The following KIF26B variants were observed in gnomAD, a reference collection of about 807,000 sequenced individuals.
The protein encoded by KIF26B is kinesin family member 26B.
In KIF26B, 63 loss-of-function variants were observed where a neutral mutation model predicts 151.2. That is an observed-to-expected ratio of 0.42 (90% confidence interval 0.34 to 0.51). The LOEUF is 0.51. Ranked by LOEUF, KIF26B falls within the 20% of genes least tolerant of loss-of-function variation. The pLI, the probability that KIF26B is intolerant of heterozygous loss-of-function variation, is 0.07. For synonymous variants in KIF26B, 1,357 were observed against 1,262.1 expected (o/e 1.08, Z -1.59); for missense variants, 2,813 against 2,913.6 (o/e 0.97, Z 0.79).
At chr1:245,364,683 G>A (rs940432598) in intron 2 of KIF26B, among the ~76,000 whole-genome samples, 6 of 152,062 alleles carry the variant, frequency 3.9e-5, no homozygotes, top group Non-Finnish European at 5.9e-5. Flanking sequence ...GCCTCCCAAA[G>A]TGCTGGGATT....
chr1:245,630,698 A>G (rs539531331), intron 9 of KIF26B, among the ~76,000 whole-genome samples: 30 of 152,326 alleles, frequency 2.0e-4, no homozygotes, highest in African/African-American at 7.0e-4. Context: ...ATGGATAACT[A>G]TATAACAAAA....
At chr1:245,507,461 G>C (rs1660747387) in intron 4 of KIF26B, among the ~76,000 whole-genome samples, 1 of 152,232 alleles carries the variant, frequency 6.6e-6, no homozygotes, top group Admixed American at 6.5e-5. Flanking sequence ...TGATGGCTGG[G>C]CCTTTATACC....
chr1:245,433,976 G>A (rs1658842698), intron 4 of KIF26B, among the ~76,000 whole-genome samples: 1 of 151,988 alleles, frequency 6.6e-6, no homozygotes, highest in African/African-American at 2.4e-5. Context: ...TACCAGGCAA[G>A]CCACTTTGAT....
intron 5 of KIF26B, among the ~76,000 whole-genome samples, chr1:245,589,379 A>G (rs966819840): frequency 6.6e-6 from 1 of 152,028 alleles, no homozygotes; most frequent in Admixed American, 6.6e-5. Context: ...TGATGAACTG[A>G]ATGCGGTCTG....
Position 245,688,816 on chromosome 1 carries a change from C to CTGG in KIF26B, c.5824+10_5824+12dup. ...GAAACGCTCCAATCCAGGTAGGCGG[C>CTGG]TGGGCGCAGGGACGCGGGTGAGGAG... On this transcript the variant is annotated intron_variant, in intron 12 of 14. Transcript: ENST00000407071. The CTGG allele has an allele frequency of 1.3e-6, 2 of 1,561,872 alleles. No homozygotes were observed. The highest frequency in any genetic ancestry group is 1.7e-6 in the Non-Finnish European group (2 of 1,151,018).
intron 4 of KIF26B, among the ~76,000 whole-genome samples, chr1:245,468,957 G>C (rs190875086): frequency 2.0e-5 from 3 of 152,280 alleles, no homozygotes; most frequent in Admixed American, 2.0e-4. Context: ...CATACCTTGT[G>C]TGTATGTATT....
At position 245,263,692 on chromosome 1, in the gene KIF26B, A is replaced by C. The variant is rs527964831; in HGVS notation, c.466-103142A>C. 4.3e-3 allele frequency among the ~76,000 whole-genome samples: 654 copies of C among 152,352 alleles called. 2 individuals carry two copies. Among genetic ancestry groups the C allele is most frequent in the Middle Eastern group, 0.02 (6 of 294 alleles). ...CCCCTTGGGAGACATGGGACTTGCC[A>C]GACCCATTTCCCCAAAAAAGGTAAG... On this transcript the variant is annotated intron_variant, in intron 2 of 14. Coordinates refer to ENST00000407071, the MANE Select transcript of KIF26B (RefSeq NM_018012.4).
intron 2 of KIF26B, among the ~76,000 whole-genome samples, chr1:245,351,194 T>C (rs1473930755): frequency 2.0e-5 from 3 of 152,240 alleles, no homozygotes; most frequent in Non-Finnish European, 4.4e-5. Context: ...GACATTGAGC[T>C]GGGCTTCATA....
intron 5 of KIF26B, among the ~76,000 whole-genome samples, chr1:245,546,769 T>A (rs1051628938): frequency 2.0e-5 from 3 of 152,196 alleles, no homozygotes; most frequent in African/African-American, 7.2e-5. Context: ...GGGAACGGCA[T>A]AAATAATACC....
At chr1:245,524,774 C>A (rs981937380) in intron 4 of KIF26B, among the ~76,000 whole-genome samples, 1 of 151,956 alleles carries the variant, frequency 6.6e-6, no homozygotes, top group Non-Finnish European at 1.5e-5. Flanking sequence ...AGTTTAATTT[C>A]TCAAAAGAAT....
chr1:245,303,123 A>G lies in KIF26B; in HGVS notation c.466-63711A>G, dbSNP rs546718231. 1.5e-4 allele frequency among the ~76,000 whole-genome samples: 22 copies of G among 150,772 alleles called. No individual in the cohort carries two copies. The South Asian group carries it at 4.4e-3, about 30-fold the overall frequency. On this transcript the variant is annotated intron_variant, in intron 2 of 14. Coordinates refer to ENST00000407071, the MANE Select transcript of KIF26B (RefSeq NM_018012.4). ...TGTAACACATCCACTGACCTTAAAC[A>G]CATTTCTTTACTTTGCTGCACCTGA...
chr1:245,693,474 T>G (rs2044652478), intron 12 of KIF26B, among the ~76,000 whole-genome samples: 1 of 152,246 alleles, frequency 6.6e-6, no homozygotes, highest in South Asian at 2.1e-4. Flanking sequence ...AGTTTACTCA[T>G]GTTTATTTTC....
intron 4 of KIF26B, among the ~76,000 whole-genome samples, chr1:245,499,422 G>T (rs1660575174): frequency 6.6e-6 from 1 of 152,184 alleles, no homozygotes; most frequent in African/African-American, 2.4e-5. Context: ...GCCGAATAAG[G>T]GTGGAGTCCC....
At chr1:245,651,062 A>G (rs1317946396) in intron 10 of KIF26B, among the ~76,000 whole-genome samples, 1 of 152,184 alleles carries the variant, frequency 6.6e-6, no homozygotes, top group East Asian at 1.9e-4. Flanking sequence ...GCAGGCCACG[A>G]GCAAACACCG....
At chr1:245,178,173 C>T (rs1465351390) in intron 2 of KIF26B, among the ~76,000 whole-genome samples, 1 of 152,160 alleles carries the variant, frequency 6.6e-6, no homozygotes, top group African/African-American at 2.4e-5. Flanking sequence ...ACGCTTTGAG[C>T]CACTTATTCA....
chr1:245,182,018 G>A (rs755125771), intron 2 of KIF26B, among the ~76,000 whole-genome samples: 18 of 152,092 alleles, frequency 1.2e-4, no homozygotes, highest in East Asian at 9.6e-4. Flanking sequence ...AAACGTGTGC[G>A]GGCCTAACTC....
rs752030766 is a variant in KIF26B at position 245,702,443 on chromosome 1, C to T, written c.6179-15C>T. Reference sequence around the variant, plus strand: ...GTTTGCTCTGCGTCTCCATCAGGCTCTTCCTCTCTTGCAGTTGACTTGGAG... The same window carrying T: ...GTTTGCTCTGCGTCTCCATCAGGCTTTTCCTCTCTTGCAGTTGACTTGGAG... On this transcript the variant is annotated splice_polypyrimidine_tract_variant and intron_variant, in intron 14 of 14. Coordinates refer to ENST00000407071, the MANE Select transcript of KIF26B (RefSeq NM_018012.4). The surrounding 1 kb of genome is among the most constrained non-coding windows in gnomAD (Gnocchi z 4.1). 2 of 1,613,792 alleles carry T rather than the reference C, an allele frequency of 1.2e-6. No homozygotes were observed. The highest frequency in any genetic ancestry group is 2.2e-5 in the East Asian group (1 of 44,872).
rs1659055948 is a variant in KIF26B at position 245,440,618 on chromosome 1, C to T, written c.1166+20873C>T. Among the ~76,000 whole-genome samples the T allele has an allele frequency of 2.0e-5, 3 of 152,190 alleles. No individual in the cohort carries two copies. The South Asian group carries it at 6.2e-4, about 32-fold the overall frequency. On this transcript the variant is annotated intron_variant, in intron 4 of 14. Transcript: ENST00000407071. ...TGACTCCATAGAGGGTCACAGCCTG[C>T]CTCTCTTGCACAGAAAGAGATGGAA...
intron 4 of KIF26B, among the ~76,000 whole-genome samples, chr1:245,466,146 C>T (rs1209999121): frequency 6.6e-6 from 1 of 151,988 alleles, no homozygotes; most frequent in Non-Finnish European, 1.5e-5. Flanking sequence ...AGTCTCTGGA[C>T]CAGACTGTAG....
Sources: allele counts gnomAD v4.1 joint callset (sites outside exome capture counted in the v4.1 genomes callset), GRCh38; gene constraint gnomAD v4.1.1; non-coding constraint Gnocchi (gnomAD v3.1); transcripts MANE v1.5; gene names NCBI Gene and HGNC (gene_info 2026-07-23, HGNC 2026-07-21).